The following IPO5 variants were observed in gnomAD, a reference collection of about 807,000 sequenced individuals.
IPO5 encodes importin-5.
A neutral mutation model predicts 143.3 loss-of-function variants in IPO5; 18 were observed. The ratio of observed to expected loss-of-function variants is 0.13; its 90% CI spans 0.09 to 0.19. IPO5 has a LOEUF of 0.19. Among genes scored for constraint, IPO5 ranks in the 10% least tolerant of loss-of-function variants. The pLI, the probability that IPO5 is intolerant of heterozygous loss-of-function variation, is 1.00. For missense variants in IPO5, 1,013 were observed against 1,336.9 expected, an observed-to-expected ratio of 0.76 and a Z score of 3.78; for synonymous variants, 477 against 465.7, an observed-to-expected ratio of 1.02 and a Z score of -0.31.
intron 2 of IPO5, chr13:97,963,419 G>GT (rs1368514091): frequency 6.8e-6 from 1 of 147,688 alleles, no homozygotes; most frequent in East Asian, 2.0e-4. Context: ...CACCAGGCTA[G>GT]AGTGCAGTGG....
intron 24 of IPO5, among the ~76,000 whole-genome samples, chr13:98,016,203 A>G (rs1282749163): frequency 6.6e-6 from 1 of 152,134 alleles, no homozygotes; most frequent in African/African-American, 2.4e-5. Flanking sequence ...AGGACTGTCA[A>G]GCATACTTCA....
At chr13:97,998,709 G>A (rs971151522) in intron 12 of IPO5, among the ~76,000 whole-genome samples, 2 of 152,204 alleles carry the variant, frequency 1.3e-5, no homozygotes, top group Non-Finnish European at 2.9e-5. Context: ...AGTCCCAGAG[G>A]TGTATTATAT....
chr13:97,988,996 G>C, intron 6 of IPO5, 66 bp from the exon 7 acceptor site: 1 of 853,576 alleles, frequency 1.2e-6, no homozygotes. Context: ...GAAATGAAAG[G>C]ATTTACTCCT....
chr13:97,980,469 G>T (rs1057462158), intron 4 of IPO5, among the ~76,000 whole-genome samples: 8 of 152,168 alleles, frequency 5.3e-5, no homozygotes, highest in South Asian at 2.1e-4. Context: ...CACACCAACA[G>T]TTCCGCCTGG....
At chr13:98,017,618 C>T (rs1025707022) in intron 25 of IPO5, among the ~76,000 whole-genome samples, 1 of 150,970 alleles carries the variant, frequency 6.6e-6, no homozygotes, top group Non-Finnish European at 1.5e-5. Context: ...TATTTTAAAG[C>T]AGTTTTAGAT....
In IPO5 at chr13:98,002,935, C is replaced by T. The variant is rs1283780169; in HGVS notation, c.1395C>T (p.Ala465=). 2.5e-6 allele frequency: 4 copies of T among 1,613,736 alleles called. No individual in the cohort carries two copies. Among genetic ancestry groups the T allele is most frequent in the Admixed American group, 3.3e-5 (2 of 60,026 alleles). The change falls in exon 16 of 29, where the codon GCC becomes GCT. Residue 465 remains alanine (A), a synonymous_variant. Coordinates refer to ENST00000651721, the MANE Select transcript of IPO5 (RefSeq NM_002271.6). ...GTGTGCAGGCCCATGCAGCTGCTGC[C>T]CTCATTAACTTTACTGAAGACTGTC... ...NQRVQAHAAA[A]LINFTEDCPK... is the part of the protein sequence containing the mutation.
intron 3 of IPO5, chr13:97,975,751 A>C (rs565684536): frequency 1.7e-4 from 28 of 161,570 alleles, no homozygotes; most frequent in Non-Finnish European, 3.0e-4. Flanking sequence ...CAGAATCCCT[A>C]AACAAGGGAT....
chr13:97,985,337 G>A, intron 5 of IPO5, 84 bp from the exon 6 acceptor site: 1 of 1,069,182 alleles, frequency 9.4e-7, no homozygotes, highest in African/African-American at 1.6e-5. Context: ...AGAAAATTAG[G>A]CGCTTTTGAA....
intron 21 of IPO5, among the ~76,000 whole-genome samples, chr13:98,012,796 A>G (rs1423019690): frequency 1.5e-5 from 2 of 132,150 alleles, no homozygotes; most frequent in East Asian, 6.9e-4. Flanking sequence ...GCCCAGCTAG[A>G]TTTGATTTTT....
chr13:97,982,858 A>G (rs565682355), intron 5 of IPO5, among the ~76,000 whole-genome samples: 2 of 152,338 alleles, frequency 1.3e-5, no homozygotes, highest in South Asian at 2.1e-4. Context: ...AAGAATTATT[A>G]AATTAAAGTG....
chr13:97,998,908 A>G (rs1888522587), intron 12 of IPO5, among the ~76,000 whole-genome samples: 1 of 152,130 alleles, frequency 6.6e-6, no homozygotes, highest in African/African-American at 2.4e-5. Flanking sequence ...TTTGGTGGGC[A>G]GAGGCAGGCA....
intron 13 of IPO5, chr13:98,001,032 T>C (rs986896883): frequency 1.4e-5 from 3 of 212,366 alleles, no homozygotes; most frequent in African/African-American, 7.0e-5. Flanking sequence ...GAAGCCCACC[T>C]GCCCTGGAGG....
intron 11 of IPO5, among the ~76,000 whole-genome samples, chr13:97,996,430 A>G (rs1409459749): frequency 1.3e-5 from 2 of 152,180 alleles, no homozygotes; most frequent in African/African-American, 4.8e-5. Flanking sequence ...ATTGTGGAAT[A>G]CAAGTTGTCC....
rs555471352 is a variant in IPO5, at chr13:98,000,074, G to A, written c.1002-465G>A. On this transcript the variant is annotated intron_variant, in intron 12 of 28. Transcript: ENST00000651721. Reference sequence around the variant, plus strand: ...CCCAGGCGGGCGCATCACAAAGTCAGGAGATCAAGACAATCCTGGCTAACA... The same window carrying A: ...CCCAGGCGGGCGCATCACAAAGTCAAGAGATCAAGACAATCCTGGCTAACA... 7.2e-5 allele frequency among the ~76,000 whole-genome samples: 11 copies of A among 152,270 alleles called. No individual in the cohort carries two copies. In the South Asian group the frequency reaches 2.1e-3, roughly 29 times the overall value.
chr13:97,957,852 C>T (rs1008570908), intron 2 of IPO5, among the ~76,000 whole-genome samples: 1 of 151,590 alleles, frequency 6.6e-6, no homozygotes, highest in African/African-American at 2.4e-5. Flanking sequence ...TTAAAGAAAC[C>T]CTGTCTTCTG....
In IPO5 at chr13:98,021,711, T is replaced by C. The variant is rs765539811; in HGVS notation, c.3208-25T>C. On this transcript the variant is annotated intron_variant, in intron 28 of 28. Coordinates refer to ENST00000651721, the MANE Select transcript of IPO5 (RefSeq NM_002271.6). ...TTCCAAATGAGCATTTCGTCCTAAG[T>C]CTGTGAAAATGTTTCTTTCCCTAGA... 2.1e-6 allele frequency: 3 copies of C among 1,425,996 alleles called. No homozygotes were observed. The East Asian group carries it at 6.9e-5, about 33-fold the overall frequency. 88.3% of individuals were successfully genotyped at this position (1,425,996 alleles called of 1,614,324 possible). A position where few individuals can be genotyped will look rare whatever the true frequency, so the allele number is the denominator to read the frequency against.
chr13:97,955,272 A>T (rs962354845), intron 2 of IPO5, among the ~76,000 whole-genome samples: 1 of 151,746 alleles, frequency 6.6e-6, no homozygotes, highest in African/African-American at 2.4e-5. Flanking sequence ...AATACCTTAT[A>T]AAGTTCATGC....
At position 98,018,492 on chromosome 13, in the gene IPO5, A is replaced by G. The variant is rs762009062; in HGVS notation, c.2624A>G (p.His875Arg). 1 of 1,612,848 alleles carries G rather than the reference A, an allele frequency of 6.2e-7. No individual in the cohort carries two copies. Among genetic ancestry groups the G allele is most frequent in the African/African-American group, 1.3e-5 (1 of 74,918 alleles). The change falls in exon 26 of 29, where the codon CAT (histidine) becomes CGT (arginine). Residue 875 changes from histidine to arginine, a missense_variant. This residue lies in a region of IPO5 where 685 missense variants were observed against 994.9 expected (regional missense o/e 0.69). Coordinates refer to ENST00000651721, the MANE Select transcript of IPO5 (RefSeq NM_002271.6). ...AGAGAATTTCTTTTGTAGTGTCCAC[A>G]TAGACCATGGCCAGACAGACAATGG... ...LPLIVNLICP[H>R]RPWPDRQWGL...
In IPO5 at chr13:98,019,765, A is replaced by G; in HGVS notation, c.3021A>G (p.Glu1007=). Residue 1007 remains glutamate (E), a synonymous_variant, in exon 27 of 29, where the codon GAA becomes GAG. Coordinates refer to ENST00000651721, the MANE Select transcript of IPO5 (RefSeq NM_002271.6). ...LSWLPLHEDK[E]EAVQTFNYLC... ...GGCTTCCACTACATGAAGATAAAGA[A>G]GAAGCTGTTCAGACTTTCAATTATC... 6.2e-7 allele frequency: 1 copy of G among 1,614,074 alleles called. No homozygotes were observed. Among genetic ancestry groups the G allele is most frequent in the South Asian group, 1.1e-5 (1 of 91,080 alleles).
Sources: allele counts gnomAD v4.1 joint callset (sites outside exome capture counted in the v4.1 genomes callset), GRCh38; gene constraint gnomAD v4.1.1; regional missense constraint gnomAD v4.1.1; transcripts MANE v1.5; gene names NCBI Gene and HGNC (gene_info 2026-07-23, HGNC 2026-07-21).